PTPRD: variants seen among roughly 807,000 people sequenced by gnomAD.
The protein encoded by PTPRD is receptor-type tyrosine-protein phosphatase delta.
In PTPRD, 34 loss-of-function variants were observed where a neutral mutation model predicts 214.5. The observed-to-expected ratio is 0.16, with a 90% CI of 0.12 to 0.21. The LOEUF (loss-of-function observed/expected upper bound fraction) is 0.21, where lower values mean the gene tolerates loss of function less well. PTPRD is among the 10% of genes least tolerant of loss of function. The pLI, the probability that PTPRD is intolerant of heterozygous loss-of-function variation, is 1.00. For missense variants in PTPRD, 2,545 were observed against 2,398.7 expected (o/e 1.06, Z -1.27); for synonymous variants, 1,128 against 845.7 (o/e 1.33, Z -5.79).
chr9:8,509,956 G>C (rs973923268), intron 21 of PTPRD, among the ~76,000 whole-genome samples: 1 of 152,030 alleles, frequency 6.6e-6, no homozygotes, highest in Non-Finnish European at 1.5e-5. Context: ...TTTTGAAATG[G>C]TTCGGAGGTT....
intron 3 of PTPRD, among the ~76,000 whole-genome samples, chr9:10,284,299 G>A (rs965689334): frequency 2.0e-5 from 3 of 152,058 alleles, no homozygotes; most frequent in Admixed American, 2.0e-4. Flanking sequence ...TTCAGGAAAG[G>A]TGCATAAGAT....
At chr9:9,099,980 T>A (rs2099789092) in intron 10 of PTPRD, among the ~76,000 whole-genome samples, 1 of 152,168 alleles carries the variant, frequency 6.6e-6, no homozygotes, top group African/African-American at 2.4e-5. Context: ...TATGCAATGG[T>A]CTTATTTATA....
chr9:8,586,143 T>C (rs907375823), intron 14 of PTPRD, among the ~76,000 whole-genome samples: 1 of 151,996 alleles, frequency 6.6e-6, no homozygotes, highest in African/African-American at 2.4e-5. Context: ...CTATTAAAAA[T>C]ACAAAAATTA....
At chr9:9,451,490 A>C (rs2092161287) in intron 8 of PTPRD, among the ~76,000 whole-genome samples, 1 of 151,756 alleles carries the variant, frequency 6.6e-6, no homozygotes, top group Admixed American at 6.6e-5. Context: ...GCGAATTTTC[A>C]CTGGACAAAA....
chr9:8,559,274 C>T (rs2085211445), intron 14 of PTPRD, among the ~76,000 whole-genome samples: 1 of 152,166 alleles, frequency 6.6e-6, no homozygotes, highest in African/African-American at 2.4e-5. Flanking sequence ...ATGGTCCCAA[C>T]ACAAAGAGAA....
chr9:8,929,764 TATGTGTATATATATGG>T (rs2098933680), intron 11 of PTPRD, among the ~76,000 whole-genome samples: 1 of 62,640 alleles, frequency 1.6e-5, no homozygotes, highest in African/African-American at 5.9e-5. Flanking sequence ...TATGTATATA[TATGTGTATATATATGG>T]GTGTGTATAT....
At chr9:8,510,218 G>A (rs1421159277) in intron 21 of PTPRD, among the ~76,000 whole-genome samples, 2 of 152,112 alleles carry the variant, frequency 1.3e-5, no homozygotes, top group African/African-American at 4.8e-5. Flanking sequence ...CTTGAGTCCA[G>A]GAGCGTGAGG....
At position 10,320,812 on chromosome 9, in the gene PTPRD, C is replaced by G. The variant is rs149805826; in HGVS notation, c.-545+20151G>C. The stretch of plus-strand genomic sequence containing the variant: ...GCATGATCTTGGCTCACTGCAACCT[C>G]TGCCTTCTGGGCTCAAGTGATCCTC... On this transcript the variant is annotated intron_variant, in intron 3 of 45. Transcript: ENST00000381196. Among the ~76,000 whole-genome samples, 613 of 152,154 alleles carry G rather than the reference C, an allele frequency of 4.0e-3. 7 individuals carry two copies. The highest frequency in any genetic ancestry group is 0.014 in the African/African-American group (588 of 41,536).
intron 8 of PTPRD, among the ~76,000 whole-genome samples, chr9:9,402,966 G>GCAAAAAAA (rs770003250): frequency 1.8e-4 from 14 of 78,606 alleles, no homozygotes; most frequent in African/African-American, 4.6e-4. Flanking sequence ...CTAATAGGGA[G>GCAAAAAAA]AAAAAAAAAA....
At chr9:10,266,407 A>G (rs564271983) in intron 3 of PTPRD, among the ~76,000 whole-genome samples, 1 of 152,316 alleles carries the variant, frequency 6.6e-6, no homozygotes, top group African/African-American at 2.4e-5. Flanking sequence ...AGAGAAAGCA[A>G]TAAGAGAATG....
At chr9:8,513,264 T>C (rs2097717112) in intron 21 of PTPRD, among the ~76,000 whole-genome samples, 1 of 152,040 alleles carries the variant, frequency 6.6e-6, no homozygotes, top group Admixed American at 6.5e-5. Context: ...GGAGAAAAAC[T>C]CTCTGACTGT....
At position 8,484,109 on chromosome 9, in the gene PTPRD, A is replaced by T. The variant is rs776497390; in HGVS notation, c.3413+10T>A. ...TCTTTCCTTCAGCCCTAAGCCTTCA[A>T]TCAACTTACTTTATATTCTCATTTG... is the stretch of plus-strand genomic sequence containing the variant. On this transcript the variant is annotated intron_variant, in intron 30 of 45. Coordinates refer to ENST00000381196, the MANE Select transcript of PTPRD (RefSeq NM_002839.4). The T allele has an allele frequency of 6.2e-7, 1 of 1,610,350 alleles. No homozygotes were observed.
intron 16 of PTPRD, among the ~76,000 whole-genome samples, chr9:8,526,852 G>C (rs908869094): frequency 3.3e-5 from 5 of 152,080 alleles, no homozygotes; most frequent in African/African-American, 1.2e-4. Context: ...ATACCACAGA[G>C]GGTAAAGACC....
intron 9 of PTPRD, among the ~76,000 whole-genome samples, chr9:9,235,277 C>G (rs2099965848): frequency 6.6e-6 from 1 of 152,100 alleles, no homozygotes; most frequent in Non-Finnish European, 1.5e-5. Flanking sequence ...CCACTTGGTC[C>G]CTCCCATGAC....
chr9:9,677,069 T>G (rs558368067), intron 7 of PTPRD, among the ~76,000 whole-genome samples: 1 of 152,026 alleles, frequency 6.6e-6, no homozygotes, highest in African/African-American at 2.4e-5. Context: ...TTCTCCCATT[T>G]TGTAGGTTGC....
chr9:8,922,043 A>G lies in PTPRD; in HGVS notation c.-104+96654T>C, dbSNP rs191467212. ...GAAGTTATTACGCTAGTGAGAAGGG[A>G]TTAGTGGTTAACATCAAATTCATAC... On this transcript the variant is annotated intron_variant, in intron 11 of 45. Coordinates refer to ENST00000381196, the MANE Select transcript of PTPRD (RefSeq NM_002839.4). Among the ~76,000 whole-genome samples the G allele has an allele frequency of 2.2e-3, 325 of 148,830 alleles. 1 individual carries two copies. The highest frequency in any genetic ancestry group is 7.7e-3 in the African/African-American group (316 of 41,188).
chr9:9,477,282 G>A (rs10977809), intron 8 of PTPRD, among the ~76,000 whole-genome samples: 105,142 of 151,930 alleles, frequency 0.69, 36,450 homozygotes, highest in South Asian at 0.73. Context: ...GCCTCTAACC[G>A]TAAAGGTAGG....
chr9:8,904,775 TAAC>T (rs149297555), intron 11 of PTPRD, among the ~76,000 whole-genome samples: 3,050 of 152,120 alleles, frequency 0.02, 106 homozygotes, highest in African/African-American at 0.069. Context: ...TTTTCTAAAA[TAAC>T]AAATGTACTT....
At chr9:9,916,635 G>A (rs143522375) in intron 5 of PTPRD, among the ~76,000 whole-genome samples, 6 of 151,958 alleles carry the variant, frequency 3.9e-5, no homozygotes, top group Admixed American at 2.0e-4. Context: ...AAGATGTTCT[G>A]TGCAAACAGA....
Sources: allele counts gnomAD v4.1 joint callset (sites outside exome capture counted in the v4.1 genomes callset), GRCh38; gene constraint gnomAD v4.1.1; transcripts MANE v1.5; gene names NCBI Gene and HGNC (gene_info 2026-07-23, HGNC 2026-07-21).